The following EXOC4 variants were observed in gnomAD, a reference collection of about 807,000 sequenced individuals.
The protein encoded by EXOC4 is exocyst complex component 4, also known as SEC8-like 1.
In EXOC4, 71 loss-of-function variants were observed where a neutral mutation model predicts 107.2. The observed-to-expected ratio is 0.66, with a 90% CI of 0.55 to 0.81. EXOC4 has a LOEUF of 0.81. Ranked by LOEUF, EXOC4 falls within the 30% of genes least tolerant of loss-of-function variation. The pLI is 0.00. For missense variants in EXOC4, 1,108 were observed against 1,189.6 expected (o/e 0.93, Z 1.01); for synonymous variants, 456 against 441.2 (o/e 1.03, Z -0.42).
At chr7:133,279,067 G>T (rs1794068371) in intron 2 of EXOC4, among the ~76,000 whole-genome samples, 1 of 151,962 alleles carries the variant, frequency 6.6e-6, no homozygotes. Flanking sequence ...AGAACATGTG[G>T]TGTTTGGTTT....
At chr7:133,919,730 T>G (rs932575134) in intron 13 of EXOC4, among the ~76,000 whole-genome samples, 1 of 152,206 alleles carries the variant, frequency 6.6e-6, no homozygotes, top group African/African-American at 2.4e-5. Flanking sequence ...GCTCATTTCT[T>G]TTTTATCTCT....
At chr7:133,580,659 C>G (rs1190413694) in intron 9 of EXOC4, among the ~76,000 whole-genome samples, 2 of 152,112 alleles carry the variant, frequency 1.3e-5, no homozygotes, top group African/African-American at 4.8e-5. Context: ...GAATCAGATC[C>G]AAGATGAGGT....
chr7:133,292,693 C>T (rs765166971), intron 3 of EXOC4, among the ~76,000 whole-genome samples: 1 of 152,050 alleles, frequency 6.6e-6, no homozygotes, highest in Admixed American at 6.5e-5. Flanking sequence ...TTTATGTTTC[C>T]ATAAGCTCAT....
chr7:133,521,754 G>T, intron 9 of EXOC4, among the ~76,000 whole-genome samples: 1 of 151,904 alleles, frequency 6.6e-6, no homozygotes, highest in Non-Finnish European at 1.5e-5. Context: ...CGAGTAGCTG[G>T]GACTACAGGC....
At chr7:133,329,900 G>A (rs1156639182) in intron 5 of EXOC4, among the ~76,000 whole-genome samples, 1 of 152,172 alleles carries the variant, frequency 6.6e-6, no homozygotes, top group African/African-American at 2.4e-5. Context: ...GAGGCATGGG[G>A]GTCAGGGACC....
At chr7:133,537,020 C>T (rs1347917890) in intron 9 of EXOC4, among the ~76,000 whole-genome samples, 1 of 152,142 alleles carries the variant, frequency 6.6e-6, no homozygotes, top group Non-Finnish European at 1.5e-5. Flanking sequence ...ATCTACATGC[C>T]TAAAAGGAGA....
chr7:134,089,078 G>A, the EXOC4 span, among the ~76,000 whole-genome samples: 2 of 152,044 alleles, frequency 1.3e-5, no homozygotes, highest in African/African-American at 2.4e-5. Flanking sequence ...TTATAAGCAG[G>A]TTTTTGCTTT....
intron 14 of EXOC4, among the ~76,000 whole-genome samples, chr7:133,945,710 C>T (rs4728302): frequency 0.53 from 80,676 of 152,036 alleles, 22,602 homozygotes; most frequent in Admixed American, 0.65. Flanking sequence ...ATCCCCCAAC[C>T]GCACAGTTGC....
intron 9 of EXOC4, among the ~76,000 whole-genome samples, chr7:133,489,529 T>C (rs1441171335): frequency 6.6e-6 from 1 of 152,186 alleles, no homozygotes; most frequent in Non-Finnish European, 1.5e-5. Flanking sequence ...AAGTCGTCCA[T>C]GAGAAGGCAT....
At chr7:134,057,085 G>A (rs941364420) in intron 17 of EXOC4, among the ~76,000 whole-genome samples, 29 of 152,174 alleles carry the variant, frequency 1.9e-4, no homozygotes, top group Admixed American at 5.9e-4. Context: ...TCAGGACAAG[G>A]CCAAGAGGTA....
At chr7:133,363,255 C>T (rs565293643) in intron 6 of EXOC4, among the ~76,000 whole-genome samples, 3 of 152,234 alleles carry the variant, frequency 2.0e-5, no homozygotes, top group Non-Finnish European at 4.4e-5. Flanking sequence ...TCCCCTGCAG[C>T]TTAACTGAAA....
intron 9 of EXOC4, among the ~76,000 whole-genome samples, chr7:133,546,684 C>T (rs1289450139): frequency 6.6e-6 from 1 of 152,054 alleles, no homozygotes; most frequent in Non-Finnish European, 1.5e-5. Flanking sequence ...GTCCATTTCC[C>T]CACCCCCAGC....
intron 9 of EXOC4, among the ~76,000 whole-genome samples, chr7:133,537,404 C>G (rs2150927495): frequency 6.6e-6 from 1 of 151,884 alleles, no homozygotes; most frequent in South Asian, 2.1e-4. Flanking sequence ...AGTCATCTGC[C>G]TGCCTCGGCC....
At chr7:134,033,144 A>C (rs1468629230) in intron 17 of EXOC4, among the ~76,000 whole-genome samples, 2 of 152,204 alleles carry the variant, frequency 1.3e-5, no homozygotes. Context: ...ATGTGCAACG[A>C]GGACCTTGGA....
intron 10 of EXOC4, among the ~76,000 whole-genome samples, chr7:133,754,611 T>A (rs1345872428): frequency 6.6e-6 from 1 of 152,200 alleles, no homozygotes; most frequent in Admixed American, 6.5e-5. Context: ...TGTGATAAAA[T>A]CATTAGCCAT....
At chr7:133,746,464 C>T (rs1268407388) in intron 10 of EXOC4, among the ~76,000 whole-genome samples, 1 of 152,062 alleles carries the variant, frequency 6.6e-6, no homozygotes, top group Admixed American at 6.6e-5. Flanking sequence ...TATCCCAGTG[C>T]CAGAGTTTCT....
chr7:133,948,073 C>T (rs1184979801), intron 14 of EXOC4, among the ~76,000 whole-genome samples: 2 of 152,138 alleles, frequency 1.3e-5, no homozygotes, highest in Non-Finnish European at 2.9e-5. Flanking sequence ...AGAGGAGGAG[C>T]GGCTGCTGCA....
intron 1 of EXOC4, chr7:133,254,052 ACT>A (rs771184614): frequency 5.7e-5 from 8 of 139,968 alleles, no homozygotes; most frequent in Middle Eastern, 3.4e-3. Context: ...ATAAACAAAC[ACT>A]CTATTTTTCC....
intron 10 of EXOC4, among the ~76,000 whole-genome samples, chr7:133,725,543 T>G (rs1181041459): frequency 6.6e-6 from 1 of 152,094 alleles, no homozygotes; most frequent in Non-Finnish European, 1.5e-5. Flanking sequence ...ATCCAGCTAA[T>G]TTTTGTATTT....
Sources: allele counts gnomAD v4.1 joint callset (sites outside exome capture counted in the v4.1 genomes callset), GRCh38; gene constraint gnomAD v4.1.1; transcripts MANE v1.5; gene names NCBI Gene and HGNC (gene_info 2026-07-23, HGNC 2026-07-21).